FGF7: variants seen among roughly 807,000 people sequenced by gnomAD.
FGF7 encodes FGF-7.
FGF7 carries 6 observed loss-of-function variants against 20.5 expected under a neutral mutation model. The observed-to-expected ratio is 0.29, with a 90% CI of 0.16 to 0.58. The LOEUF (loss-of-function observed/expected upper bound fraction) is 0.58, where lower values mean the gene tolerates loss of function less well. Ranked by LOEUF, FGF7 falls within the 20% of genes least tolerant of loss-of-function variation. The pLI, the probability that FGF7 is intolerant of heterozygous loss-of-function variation, is 0.90. For missense variants in FGF7, 144 were observed against 228.8 expected (o/e 0.63, Z 2.39); for synonymous variants, 64 against 74.7 (o/e 0.86, Z 0.74).
At chr15:49,476,249 T>C (rs1362539956) in intron 2 of FGF7, among the ~76,000 whole-genome samples, 3 of 149,616 alleles carry the variant, frequency 2.0e-5, no homozygotes, top group African/African-American at 7.3e-5. Context: ...TTTTTTTGCA[T>C]TTGGCATATA....
chr15:49,461,985 C>A (rs764498180), intron 2 of FGF7, among the ~76,000 whole-genome samples: 6 of 152,132 alleles, frequency 3.9e-5, no homozygotes, highest in Admixed American at 2.0e-4. Flanking sequence ...GCCTGGCCAA[C>A]ATGGCAAAAT....
In FGF7 at chr15:49,429,808, G is replaced by A. The variant is rs77212197; in HGVS notation, c.286+5225G>A. Among the ~76,000 whole-genome samples the A allele has an allele frequency of 1.8e-3, 274 of 151,992 alleles. 1 individual carries two copies. Among genetic ancestry groups the A allele is most frequent in the African/African-American group, 6.4e-3 (266 of 41,506 alleles). ...GGGATGAGAACCACTGGACTAAGGG[G>A]ATCACATTAGATTACTGGGGAATTA... On this transcript the variant is annotated intron_variant, in intron 2 of 3. Coordinates refer to ENST00000267843, the MANE Select transcript of FGF7 (RefSeq NM_002009.4).
intron 2 of FGF7, among the ~76,000 whole-genome samples, chr15:49,453,293 G>T (rs1263956687): frequency 1.3e-5 from 2 of 151,632 alleles, no homozygotes; most frequent in African/African-American, 4.8e-5. Context: ...ATTTTAAGAT[G>T]GGATTTCACC....
chr15:49,446,042 T>C (rs887282517), intron 2 of FGF7, among the ~76,000 whole-genome samples: 3 of 151,562 alleles, frequency 2.0e-5, no homozygotes, highest in African/African-American at 7.2e-5. Flanking sequence ...TTCTTGTACA[T>C]TAAAACTATG....
At chr15:49,431,952 G>T (rs1266379607) in intron 2 of FGF7, among the ~76,000 whole-genome samples, 1 of 151,628 alleles carries the variant, frequency 6.6e-6, no homozygotes, top group South Asian at 2.1e-4. Flanking sequence ...ATACAGAGGG[G>T]TTGAAATGAT....
chr15:49,472,384 AAGTG>A (rs2054857347), intron 2 of FGF7, among the ~76,000 whole-genome samples: 1 of 152,204 alleles, frequency 6.6e-6, no homozygotes, highest in Non-Finnish European at 1.5e-5. Context: ...AAGTGATTAA[AAGTG>A]AGCATAAAGG....
rs1284399980 is a variant in FGF7, at chr15:49,424,455, C to T, written c.158C>T (p.Thr53Ile). The T allele has an allele frequency of 1.9e-6, 3 of 1,613,496 alleles. No individual in the cohort carries two copies. The highest frequency in any genetic ancestry group is 2.5e-6 in the Non-Finnish European group (3 of 1,179,642). The change falls in exon 2 of 4, where the codon ACA becomes ATA. Residue 53 changes from threonine (T) to isoleucine (I), a missense_variant. Physicochemically the swap from Thr to Ile is moderately conservative, Grantham distance 89 (BLOSUM62 -1). Coordinates refer to ENST00000267843, the MANE Select transcript of FGF7 (RefSeq NM_002009.4). ...AACTGTTCCAGCCCTGAGCGACACA[C>T]AAGAAGTTATGATTACATGGAAGGA... ...NVNCSSPERH[T>I]RSYDYMEGGD...
chr15:49,458,546 C>G (rs2053521854), intron 2 of FGF7, among the ~76,000 whole-genome samples: 1 of 152,058 alleles, frequency 6.6e-6, no homozygotes, highest in South Asian at 2.1e-4. Context: ...AGAAGAAACT[C>G]TTTAAGAACA....
At chr15:49,426,652 T>G (rs1360670089) in intron 2 of FGF7, among the ~76,000 whole-genome samples, 1 of 151,888 alleles carries the variant, frequency 6.6e-6, no homozygotes, top group Admixed American at 6.6e-5. Context: ...TACAATTTAG[T>G]GCTAACTTTG....
chr15:49,474,784 T>C (rs1250279715), intron 2 of FGF7, among the ~76,000 whole-genome samples: 1 of 152,018 alleles, frequency 6.6e-6, no homozygotes, highest in African/African-American at 2.4e-5. Context: ...TGAACCCTAT[T>C]GTGAACTGCA....
At chr15:49,464,928 C>T (rs961926569) in intron 2 of FGF7, among the ~76,000 whole-genome samples, 6 of 152,098 alleles carry the variant, frequency 3.9e-5, no homozygotes, top group South Asian at 2.1e-4. Flanking sequence ...AACATTTTGG[C>T]TATCATCTAG....
intron 2 of FGF7, among the ~76,000 whole-genome samples, chr15:49,444,845 A>T (rs1487620339): frequency 2.0e-5 from 3 of 151,750 alleles, no homozygotes; most frequent in African/African-American, 7.2e-5. Flanking sequence ...CTAAAAAAAT[A>T]AATTTACAAC....
chr15:49,434,915 G>A (rs1030667628), intron 2 of FGF7, among the ~76,000 whole-genome samples: 37 of 151,034 alleles, frequency 2.4e-4, no homozygotes, highest in African/African-American at 8.5e-4. Flanking sequence ...TCCTTTAAAG[G>A]GAAATTTTAA....
At chr15:49,448,424 T>C (rs1442795781) in intron 2 of FGF7, among the ~76,000 whole-genome samples, 2 of 151,780 alleles carry the variant, frequency 1.3e-5, no homozygotes, top group Non-Finnish European at 1.5e-5. Flanking sequence ...GATGTGTATA[T>C]TAATTGTTCA....
intron 2 of FGF7, among the ~76,000 whole-genome samples, chr15:49,433,491 A>C (rs1025011903): frequency 6.6e-6 from 1 of 151,808 alleles, no homozygotes; most frequent in East Asian, 1.9e-4. Context: ...GAAATAGATT[A>C]CTAAATTATC....
At chr15:49,431,949 G>C (rs1249956873) in intron 2 of FGF7, among the ~76,000 whole-genome samples, 1 of 151,634 alleles carries the variant, frequency 6.6e-6, no homozygotes, top group Non-Finnish European at 1.5e-5. Context: ...ATAATACAGA[G>C]GGGTTGAAAT....
chr15:49,448,802 T>A (rs1054451386), intron 2 of FGF7, among the ~76,000 whole-genome samples: 1 of 151,814 alleles, frequency 6.6e-6, no homozygotes, highest in Non-Finnish European at 1.5e-5. Context: ...CCAAGACAGA[T>A]AACTGGCAAA....
intron 2 of FGF7, among the ~76,000 whole-genome samples, chr15:49,479,433 T>C (rs1421003877): frequency 1.3e-5 from 2 of 152,118 alleles, no homozygotes; most frequent in Non-Finnish European, 2.9e-5. Flanking sequence ...CTCTTCTATT[T>C]GTTTTATGTG....
chr15:49,451,008 G>A (rs1482592217), intron 2 of FGF7, among the ~76,000 whole-genome samples: 1 of 152,056 alleles, frequency 6.6e-6, no homozygotes, highest in Admixed American at 6.6e-5. Context: ...ATGTGTGTGA[G>A]TGGGGAAATA....
Sources: allele counts gnomAD v4.1 joint callset (sites outside exome capture counted in the v4.1 genomes callset), GRCh38; gene constraint gnomAD v4.1.1; transcripts MANE v1.5; gene names NCBI Gene and HGNC (gene_info 2026-07-23, HGNC 2026-07-21).